NAALADL2: variants seen among roughly 807,000 people sequenced by gnomAD.
NAALADL2 encodes N-acetylated alpha-linked acidic dipeptidase like 2.
A neutral mutation model predicts 87.2 loss-of-function variants in NAALADL2; 76 were observed. The ratio of observed to expected loss-of-function variants is 0.87; its 90% CI spans 0.72 to 1.05. The LOEUF is 1.05. NAALADL2 is among the 50% of genes least tolerant of loss of function. The pLI, the probability that NAALADL2 is intolerant of heterozygous loss-of-function variation, is 0.00. For synonymous variants in NAALADL2, 354 were observed against 331.0 expected, an observed-to-expected ratio of 1.07 and a Z score of -0.75; for missense variants, 1,089 against 945.8, an observed-to-expected ratio of 1.15 and a Z score of -1.99.
chr3:174,688,053 C>T (rs896316350), intron 2 of NAALADL2, among the ~76,000 whole-genome samples: 2 of 152,118 alleles, frequency 1.3e-5, no homozygotes, highest in Non-Finnish European at 2.9e-5. Flanking sequence ...CAGACTAATA[C>T]ATAATTTTAT....
At chr3:174,499,555 A>G (rs575017517) in intron 1 of NAALADL2, among the ~76,000 whole-genome samples, 5 of 152,248 alleles carry the variant, frequency 3.3e-5, no homozygotes, top group African/African-American at 4.8e-5. Context: ...AAAGTTTTAC[A>G]GTTTTAAGTT....
intron 2 of NAALADL2, among the ~76,000 whole-genome samples, chr3:174,557,582 A>G (rs1578164961): frequency 6.6e-6 from 1 of 152,176 alleles, no homozygotes; most frequent in Admixed American, 6.5e-5. Flanking sequence ...ATATGCAACT[A>G]GTTTTTCTTG....
At chr3:175,343,468 G>A (rs936343148) in intron 5 of NAALADL2, among the ~76,000 whole-genome samples, 3 of 151,880 alleles carry the variant, frequency 2.0e-5, no homozygotes, top group South Asian at 2.1e-4. Context: ...TTGTGTTGAT[G>A]TTCACCTTGA....
At chr3:175,171,344 T>A (rs1734774976) in intron 2 of NAALADL2, among the ~76,000 whole-genome samples, 1 of 152,028 alleles carries the variant, frequency 6.6e-6, no homozygotes, top group African/African-American at 2.4e-5. Flanking sequence ...CATTTTGCCA[T>A]CCTAACGATG....
intron 2 of NAALADL2, among the ~76,000 whole-genome samples, chr3:174,685,272 C>T (rs1727925093): frequency 6.6e-6 from 1 of 152,114 alleles, no homozygotes; most frequent in Non-Finnish European, 1.5e-5. Flanking sequence ...TAAATGGCAG[C>T]TGCATCCTCC....
intron 3 of NAALADL2, among the ~76,000 whole-genome samples, chr3:174,853,201 C>CAAAAAAA (rs34303846): frequency 0.045 from 2,036 of 45,538 alleles, 151 homozygotes; most frequent in Middle Eastern, 0.06. Flanking sequence ...CCGTCTCTAC[C>CAAAAAAA]AAAAAAAAAA....
exon 2 of NAALADL2, chr3:174,550,634 C>A (rs1480585426): frequency 1.3e-5 from 2 of 151,614 alleles, no homozygotes; most frequent in Non-Finnish European, 2.9e-5. Flanking sequence ...CGATTAAAAA[C>A]AAGGTAGGTT....
intron 2 of NAALADL2, among the ~76,000 whole-genome samples, chr3:174,710,752 C>G (rs1199037263): frequency 6.6e-6 from 1 of 152,150 alleles, no homozygotes; most frequent in African/African-American, 2.4e-5. Flanking sequence ...CTCTTTCCTA[C>G]AACCACAAGG....
chr3:175,617,172 G>A (rs1046057104), intron 10 of NAALADL2, among the ~76,000 whole-genome samples: 1 of 152,174 alleles, frequency 6.6e-6, no homozygotes, highest in Non-Finnish European at 1.5e-5. Context: ...TTCCTGAGAT[G>A]TCACTCACAG....
chr3:175,279,178 G>A (rs1753965602), intron 4 of NAALADL2, among the ~76,000 whole-genome samples: 1 of 152,138 alleles, frequency 6.6e-6, no homozygotes, highest in Non-Finnish European at 1.5e-5. Context: ...CAAGTCAGAT[G>A]CAAAAGGAAC....
intron 2 of NAALADL2, among the ~76,000 whole-genome samples, chr3:174,575,420 C>G (rs1715416027): frequency 6.6e-6 from 1 of 152,142 alleles, no homozygotes; most frequent in Admixed American, 6.6e-5. Context: ...TATGTGACTA[C>G]TCAGTTTAAA....
intron 2 of NAALADL2, among the ~76,000 whole-genome samples, chr3:174,632,890 G>A (rs1409333200): frequency 1.5e-5 from 2 of 135,416 alleles, no homozygotes; most frequent in African/African-American, 2.9e-5. Flanking sequence ...AGCCGAGATC[G>A]CGCCAGTGCA....
chr3:175,785,000 G>A (rs1457098293), intron 13 of NAALADL2, among the ~76,000 whole-genome samples: 1 of 150,662 alleles, frequency 6.6e-6, no homozygotes, highest in Non-Finnish European at 1.5e-5. Context: ...CAGTTTCCAT[G>A]TAGTTGAGCA....
At chr3:174,662,404 A>G (rs1298321772) in intron 2 of NAALADL2, among the ~76,000 whole-genome samples, 1 of 152,158 alleles carries the variant, frequency 6.6e-6, no homozygotes, top group African/African-American at 2.4e-5. Flanking sequence ...TGAACAACTT[A>G]ATCAAAAACT....
intron 2 of NAALADL2, among the ~76,000 whole-genome samples, chr3:175,144,311 A>G (rs1270432066): frequency 2.0e-5 from 3 of 152,016 alleles, no homozygotes; most frequent in Non-Finnish European, 4.4e-5. Flanking sequence ...TAATTACTTC[A>G]TTCTCATAAT....
chr3:174,936,442 C>T (rs968287731), intron 1 of NAALADL2, among the ~76,000 whole-genome samples: 3 of 151,868 alleles, frequency 2.0e-5, no homozygotes, highest in African/African-American at 7.3e-5. Context: ...GTACATAATA[C>T]AGTTAATTTT....
intron 2 of NAALADL2, chr3:175,218,246 T>A: frequency 3.3e-6 from 1 of 303,450 alleles, no homozygotes; most frequent in Non-Finnish European, 6.6e-6. Flanking sequence ...GGATACTTAT[T>A]AAAAACCAAT....
intron 2 of NAALADL2, among the ~76,000 whole-genome samples, chr3:174,620,710 A>T (rs543316518): frequency 6.6e-6 from 1 of 152,210 alleles, no homozygotes; most frequent in East Asian, 1.9e-4. Flanking sequence ...CAGGAGATCA[A>T]AATGGGACTG....
Position 175,629,686 on chromosome 3 carries a change from T to C in NAALADL2, c.1896+2300T>C, listed in dbSNP as rs73881314. Reference sequence around the variant, plus strand: ...TCAATTAAGAGGTATAAACATATACTAATTCTCGATGCCTGAAGTCTTGGC... The same window carrying C: ...TCAATTAAGAGGTATAAACATATACCAATTCTCGATGCCTGAAGTCTTGGC... On this transcript the variant is annotated intron_variant, in intron 11 of 13. Coordinates refer to ENST00000454872, the MANE Select transcript of NAALADL2 (RefSeq NM_207015.3). Among the ~76,000 whole-genome samples, 551 of 151,814 alleles carry C rather than the reference T, an allele frequency of 3.6e-3. 3 individuals carry two copies. Among genetic ancestry groups the C allele is most frequent in the African/African-American group, 0.012 (507 of 41,512 alleles).
Sources: allele counts gnomAD v4.1 joint callset (sites outside exome capture counted in the v4.1 genomes callset), GRCh38; gene constraint gnomAD v4.1.1; transcripts MANE v1.5; gene names NCBI Gene and HGNC (gene_info 2026-07-23, HGNC 2026-07-21).